Variants in ROBO2 observed in about 807,000 individuals in gnomAD.
ROBO2 encodes roundabout homolog 2.
ROBO2 carries 53 observed loss-of-function variants against 160.8 expected under a neutral mutation model. The observed-to-expected ratio is 0.33, with a 90% CI of 0.26 to 0.41. The LOEUF (loss-of-function observed/expected upper bound fraction) is 0.41, where lower values mean the gene tolerates loss of function less well. Among genes scored for constraint, ROBO2 ranks in the 10% least tolerant of loss-of-function variants. The pLI, the probability that ROBO2 is intolerant of heterozygous loss-of-function variation, is 1.00. For synonymous variants in ROBO2, 664 were observed against 611.7 expected, an observed-to-expected ratio of 1.09 and a Z score of -1.26; for missense variants, 1,577 against 1,722.4, an observed-to-expected ratio of 0.92 and a Z score of 1.49.
At chr3:76,594,486 A>G (rs1182632363) in intron 2 of ROBO2, among the ~76,000 whole-genome samples, 1 of 152,064 alleles carries the variant, frequency 6.6e-6, no homozygotes, top group East Asian at 1.9e-4. Context: ...GTCTCTATAA[A>G]TGTATTGGAA....
chr3:77,440,802 C>G (rs1370617204), intron 2 of ROBO2, among the ~76,000 whole-genome samples: 1 of 152,028 alleles, frequency 6.6e-6, no homozygotes, highest in Non-Finnish European at 1.5e-5. Context: ...CATTCTTTTT[C>G]CATTTACACC....
At chr3:76,588,400 C>T (rs1300497125) in intron 2 of ROBO2, among the ~76,000 whole-genome samples, 1 of 152,088 alleles carries the variant, frequency 6.6e-6, no homozygotes, top group Admixed American at 6.5e-5. Flanking sequence ...TTTTAATGTT[C>T]ACATTAGTAT....
At chr3:75,911,491 C>T (rs1281218752) in intron 1 of ROBO2, among the ~76,000 whole-genome samples, 1 of 150,274 alleles carries the variant, frequency 6.7e-6, no homozygotes, top group Non-Finnish European at 1.5e-5. Context: ...GATATTTGCC[C>T]TAGTTCTGCC....
At chr3:77,203,842 A>G (rs1023330115) in intron 2 of ROBO2, among the ~76,000 whole-genome samples, 13 of 152,218 alleles carry the variant, frequency 8.5e-5, no homozygotes, top group African/African-American at 3.1e-4. Flanking sequence ...CAGATAAGCA[A>G]ACTGAAGTAC....
intron 2 of ROBO2, among the ~76,000 whole-genome samples, chr3:77,241,581 T>TA (rs1239860216): frequency 1.3e-5 from 2 of 152,110 alleles, no homozygotes; most frequent in Non-Finnish European, 2.9e-5. Context: ...TACTGATAAA[T>TA]AAAAAACAAC....
chr3:76,413,877 A>G (rs1047431538), intron 2 of ROBO2, among the ~76,000 whole-genome samples: 1 of 152,046 alleles, frequency 6.6e-6, no homozygotes, highest in Non-Finnish European at 1.5e-5. Context: ...ACTGGTACCA[A>G]TTTACTGTAT....
chr3:76,493,506 A>T (rs1217270074), intron 2 of ROBO2, among the ~76,000 whole-genome samples: 1 of 151,600 alleles, frequency 6.6e-6, no homozygotes, highest in Non-Finnish European at 1.5e-5. Flanking sequence ...TCCATATCCA[A>T]TTTTTTTGGA....
chr3:76,970,482 G>A (rs560811685), intron 2 of ROBO2, among the ~76,000 whole-genome samples: 20 of 152,250 alleles, frequency 1.3e-4, no homozygotes, highest in African/African-American at 4.6e-4. Flanking sequence ...AAAAGCTAAT[G>A]TCTTCATACA....
intron 4 of ROBO2, among the ~76,000 whole-genome samples, chr3:77,486,992 T>C (rs926343961): frequency 6.6e-6 from 1 of 152,142 alleles, no homozygotes; most frequent in African/African-American, 2.4e-5. Context: ...ATTTTCACAG[T>C]ACGATGTTCA....
intron 2 of ROBO2, among the ~76,000 whole-genome samples, chr3:75,961,679 T>C (rs371173520): frequency 6.6e-6 from 1 of 151,664 alleles, no homozygotes; most frequent in Admixed American, 6.6e-5. Flanking sequence ...AAACTGATCC[T>C]CTAAATAGAT....
intron 2 of ROBO2, among the ~76,000 whole-genome samples, chr3:77,287,845 C>T (rs766190597): frequency 2.0e-4 from 30 of 152,116 alleles, no homozygotes; most frequent in Non-Finnish European, 3.7e-4. Flanking sequence ...CATTGTTCCT[C>T]GAAAGTTTGA....
chr3:76,015,766 A>AT (rs1445170689), intron 2 of ROBO2, among the ~76,000 whole-genome samples: 1 of 152,222 alleles, frequency 6.6e-6, no homozygotes, highest in African/African-American at 2.4e-5. Context: ...CCATTTCCAA[A>AT]TTGCATATAA....
At chr3:77,539,540 T>G (rs1438007011) in intron 6 of ROBO2, among the ~76,000 whole-genome samples, 1 of 152,322 alleles carries the variant, frequency 6.6e-6, no homozygotes, top group Non-Finnish European at 1.5e-5. Context: ...GGAATAGGTA[T>G]AATAATGCAG....
chr3:76,610,201 A>G (rs1286050002), intron 2 of ROBO2, among the ~76,000 whole-genome samples: 1 of 152,206 alleles, frequency 6.6e-6, no homozygotes, highest in African/African-American at 2.4e-5. Context: ...GTATCAAGAT[A>G]ATACTAGCCT....
At chr3:76,705,259 A>G (rs1278345621) in intron 2 of ROBO2, among the ~76,000 whole-genome samples, 1 of 152,164 alleles carries the variant, frequency 6.6e-6, no homozygotes, top group African/African-American at 2.4e-5. Context: ...TTGCCTGAAT[A>G]ATACAATATA....
At chr3:76,820,318 G>A (rs2066009384) in intron 2 of ROBO2, among the ~76,000 whole-genome samples, 1 of 151,816 alleles carries the variant, frequency 6.6e-6, no homozygotes, top group African/African-American at 2.4e-5. Flanking sequence ...CATAACATTA[G>A]TTTCAATAGG....
chr3:77,554,760 T>C (rs1258501286), intron 8 of ROBO2, among the ~76,000 whole-genome samples: 1 of 152,010 alleles, frequency 6.6e-6, no homozygotes, highest in Non-Finnish European at 1.5e-5. Context: ...TTCTTAGGGA[T>C]GACCAAAGAA....
intron 2 of ROBO2, among the ~76,000 whole-genome samples, chr3:77,155,643 C>T (rs79791247): frequency 0.048 from 7,314 of 151,980 alleles, 209 homozygotes; most frequent in East Asian, 0.087. Flanking sequence ...CAACAGAAAA[C>T]GAATACACAT....
At chr3:76,654,918 T>TAC (rs2091431156) in intron 2 of ROBO2, among the ~76,000 whole-genome samples, 1 of 147,076 alleles carries the variant, frequency 6.8e-6, no homozygotes, top group African/African-American at 2.5e-5. Context: ...TGTGTGTATA[T>TAC]ATATATATAT....
Sources: gnomAD v4.1 joint callset for allele counts (sites outside exome capture counted in the v4.1 genomes callset) on GRCh38, gnomAD v4.1.1 for gene constraint, MANE v1.5 for transcripts, NCBI Gene and HGNC (gene_info 2026-07-23, HGNC 2026-07-21) for gene names.